SLC35F1: variants seen among roughly 807,000 people sequenced by gnomAD.
SLC35F1 encodes chromosome 6 open reading frame 169.
SLC35F1 carries 14 observed loss-of-function variants against 48.7 expected under a neutral mutation model. That is an observed-to-expected ratio of 0.29 (90% CI 0.19 to 0.45). SLC35F1 has a LOEUF of 0.45. Among genes scored for constraint, SLC35F1 ranks in the 20% least tolerant of loss-of-function variants. The pLI, the probability that SLC35F1 is intolerant of heterozygous loss-of-function variation, is 1.00. For synonymous variants in SLC35F1, 190 were observed against 202.2 expected, an observed-to-expected ratio of 0.94 and a Z score of 0.51; for missense variants, 404 against 500.0, an observed-to-expected ratio of 0.81 and a Z score of 1.83.
At chr6:117,956,603 C>A (rs1300687773) in intron 1 of SLC35F1, among the ~76,000 whole-genome samples, 1 of 152,176 alleles carries the variant, frequency 6.6e-6, no homozygotes, top group Non-Finnish European at 1.5e-5. Flanking sequence ...GCATCCAGGC[C>A]TTATTAACGG....
intron 1 of SLC35F1, among the ~76,000 whole-genome samples, chr6:118,068,146 T>C (rs1003006102): frequency 6.6e-6 from 1 of 152,096 alleles, no homozygotes; most frequent in Non-Finnish European, 1.5e-5. Context: ...ATTTGAGCCC[T>C]CAGTGTATTG....
intron 2 of SLC35F1, among the ~76,000 whole-genome samples, chr6:118,228,456 A>G (rs1775247396): frequency 6.6e-6 from 1 of 152,174 alleles, no homozygotes; most frequent in African/African-American, 2.4e-5. Flanking sequence ...TAATCCCAGC[A>G]CTTTGGGAGG....
chr6:118,235,844 T>C (rs909992310), intron 3 of SLC35F1, among the ~76,000 whole-genome samples: 2 of 152,176 alleles, frequency 1.3e-5, no homozygotes, highest in African/African-American at 4.8e-5. Context: ...ACTTGAACTT[T>C]ATTTATATGT....
intron 1 of SLC35F1, among the ~76,000 whole-genome samples, chr6:118,082,421 C>T (rs1402400774): frequency 2.6e-5 from 4 of 152,152 alleles, no homozygotes; most frequent in Non-Finnish European, 5.9e-5. Context: ...ATGGAACAAA[C>T]AGGCCTGGAG....
At chr6:118,228,300 T>C (rs1775243954) in intron 2 of SLC35F1, among the ~76,000 whole-genome samples, 1 of 100,736 alleles carries the variant, frequency 9.9e-6, no homozygotes, top group Non-Finnish European at 2.0e-5. Context: ...TGTTCACTTT[T>C]CATACTAAAT....
chr6:118,123,332 C>T (rs1420547805), intron 1 of SLC35F1, among the ~76,000 whole-genome samples: 2 of 152,068 alleles, frequency 1.3e-5, no homozygotes, highest in Non-Finnish European at 2.9e-5. Context: ...GCTTTAACTC[C>T]AGTACTTAAC....
At chr6:118,294,227 T>C (rs1743257) in intron 7 of SLC35F1, among the ~76,000 whole-genome samples, 16,195 of 152,274 alleles carry the variant, frequency 0.11, 958 homozygotes, top group Middle Eastern at 0.19. Flanking sequence ...TTTTTCCTGT[T>C]TGAAAAGGCA....
intron 7 of SLC35F1, among the ~76,000 whole-genome samples, chr6:118,294,614 T>C (rs143657176): frequency 1.7e-4 from 26 of 152,294 alleles, no homozygotes; most frequent in African/African-American, 6.0e-4. Context: ...TAAAACAAAC[T>C]AGAAACTAAT....
At chr6:118,270,366 T>A (rs559737463) in intron 4 of SLC35F1, among the ~76,000 whole-genome samples, 1 of 152,198 alleles carries the variant, frequency 6.6e-6, no homozygotes, top group Non-Finnish European at 1.5e-5. Context: ...CAGAATGATG[T>A]GCCAGGAATA....
intron 1 of SLC35F1, among the ~76,000 whole-genome samples, chr6:118,095,978 T>A (rs1431603372): frequency 6.6e-6 from 1 of 152,168 alleles, no homozygotes; most frequent in Non-Finnish European, 1.5e-5. Flanking sequence ...TCTGATTTAC[T>A]AAGTCTACTT....
chr6:118,114,370 A>G (rs958695913), intron 1 of SLC35F1, among the ~76,000 whole-genome samples: 4 of 152,114 alleles, frequency 2.6e-5, no homozygotes, highest in Admixed American at 2.6e-4. Flanking sequence ...TTGATATCTT[A>G]TATTTGGCAT....
At chr6:118,072,924 G>A (rs998846722) in intron 1 of SLC35F1, among the ~76,000 whole-genome samples, 2 of 152,122 alleles carry the variant, frequency 1.3e-5, no homozygotes, top group African/African-American at 4.8e-5. Flanking sequence ...TCCTCTAATT[G>A]GAGGTGGAGT....
chr6:118,091,901 G>A (rs9387555), intron 1 of SLC35F1, among the ~76,000 whole-genome samples: 55,050 of 151,972 alleles, frequency 0.36, 10,441 homozygotes, highest in East Asian at 0.45. Flanking sequence ...CTTGCTATGC[G>A]AAGAGACTGG....
At chr6:118,204,774 A>G (rs942360340) in intron 2 of SLC35F1, among the ~76,000 whole-genome samples, 9 of 152,356 alleles carry the variant, frequency 5.9e-5, no homozygotes, top group African/African-American at 2.2e-4. Context: ...CCCACTCCTC[A>G]GAACAGAAAT....
intron 1 of SLC35F1, among the ~76,000 whole-genome samples, chr6:118,129,679 G>C (rs1448888577): frequency 3.3e-5 from 5 of 152,108 alleles, no homozygotes; most frequent in African/African-American, 1.2e-4. Context: ...ATTGGACCTA[G>C]GCTGTGAGAG....
In SLC35F1 at chr6:118,222,583, G is replaced by GA. The variant is rs200141131; in HGVS notation, c.350-12918dup. ...AGGTATAGTTCCTATAAGAATCCCA[G>GA]AAAAAAAACTTAATTATTTTCATTT... On this transcript the variant is annotated intron_variant, in intron 2 of 7. Coordinates refer to ENST00000360388, the MANE Select transcript of SLC35F1 (RefSeq NM_001029858.4). Among the ~76,000 whole-genome samples, 147 of 151,582 alleles carry GA rather than the reference G, an allele frequency of 9.7e-4. 3 individuals are homozygous for GA. In the East Asian group the frequency reaches 0.015, roughly 15 times the overall value.
intron 2 of SLC35F1, among the ~76,000 whole-genome samples, chr6:118,209,101 G>A (rs1774972335): frequency 6.6e-6 from 1 of 152,172 alleles, no homozygotes; most frequent in Non-Finnish European, 1.5e-5. Context: ...TGAACAGTGA[G>A]GGCTTGCTGG....
chr6:118,291,831 G>C (rs934459788), intron 7 of SLC35F1, among the ~76,000 whole-genome samples: 1 of 152,016 alleles, frequency 6.6e-6, no homozygotes, highest in Non-Finnish European at 1.5e-5. Flanking sequence ...AAAAAATACT[G>C]ATGTGGCTGG....
intron 1 of SLC35F1, among the ~76,000 whole-genome samples, chr6:118,136,508 G>T (rs900913811): frequency 2.6e-5 from 4 of 152,086 alleles, no homozygotes; most frequent in South Asian, 4.1e-4. Context: ...GTTGAGTCAC[G>T]TTATTTGTAT....
Sources: allele counts gnomAD v4.1 joint callset (sites outside exome capture counted in the v4.1 genomes callset), GRCh38; gene constraint gnomAD v4.1.1; transcripts MANE v1.5; gene names NCBI Gene and HGNC (gene_info 2026-07-23, HGNC 2026-07-21).